Variants in CSTF3 observed in about 807,000 individuals in gnomAD.
The protein encoded by CSTF3 is cleavage stimulation factor subunit 3.
CSTF3 carries 29 observed loss-of-function variants against 105.8 expected under a neutral mutation model. The ratio of observed to expected loss-of-function variants is 0.27; its 90% CI spans 0.20 to 0.37. CSTF3 has a LOEUF of 0.37. CSTF3 is among the 10% of genes least tolerant of loss of function. CSTF3 has a pLI of 1.00. For missense variants in CSTF3, 357 were observed against 879.3 expected (o/e 0.41, Z 7.51); for synonymous variants, 252 against 281.9 (o/e 0.89, Z 1.06).
rs1232361961 is a variant in CSTF3 at position 33,085,159 on chromosome 11, A to G, written c.2082T>C (p.Asp694=). The G allele has an allele frequency of 1.2e-6, 2 of 1,614,122 alleles. No individual in the cohort carries two copies. Among genetic ancestry groups the G allele is most frequent in the South Asian group, 1.1e-5 (1 of 91,080 alleles). The stretch of plus-strand genomic sequence containing the variant: ...GGGGGACAACGGCTCCCTTTTCTTC[A>G]TCTTCATCTGAATCCTCGTTGGGCC... ...VKRPNEDSDE[D]EEKGAVVPPV... is the part of the protein sequence containing the mutation. The change falls in exon 21 of 21, where the codon GAT becomes GAC. Residue 694 remains aspartate (D), a synonymous_variant. Transcript: ENST00000323959.
intron 3 of CSTF3, among the ~76,000 whole-genome samples, chr11:33,130,485 TAAATA>T (rs992366453): frequency 1.4e-4 from 21 of 151,870 alleles, no homozygotes; most frequent in African/African-American, 5.1e-4. Flanking sequence ...CAATGATAAA[TAAATA>T]AGAGATCATA....
chr11:33,091,952 T>C (rs1181291220), intron 16 of CSTF3, among the ~76,000 whole-genome samples: 5 of 152,140 alleles, frequency 3.3e-5, no homozygotes, highest in African/African-American at 1.2e-4. Context: ...TGGGCTAAAG[T>C]CATCTTTCCA....
chr11:33,108,840 C>A (rs767897945), intron 3 of CSTF3, among the ~76,000 whole-genome samples: 2 of 152,190 alleles, frequency 1.3e-5, no homozygotes, highest in Non-Finnish European at 2.9e-5. Context: ...CATTCAGTCA[C>A]ACCATCAACC....
chr11:33,155,942 C>T (rs752993033), intron 1 of CSTF3, among the ~76,000 whole-genome samples: 2 of 152,100 alleles, frequency 1.3e-5, no homozygotes, highest in African/African-American at 2.4e-5. Context: ...AGATTTTGCC[C>T]TTCTGAAGGT....
At position 33,085,285 on chromosome 11, in the gene CSTF3, A is replaced by C; in HGVS notation, c.1956T>G (p.Val652=). The C allele has an allele frequency of 6.5e-7, 1 of 1,537,208 alleles. No homozygotes were observed. Among genetic ancestry groups the C allele is most frequent in the Non-Finnish European group, 8.7e-7 (1 of 1,145,782 alleles). ...CAGTAATGATCCTCACAGCTTCCTC[A>C]ACAGCTATTAAAACAAAACAACAAA... ...IFRRCKIPNT[V]EEAVRIITGG... is the part of the protein sequence containing the mutation. The change falls in exon 21 of 21, where the codon GTT becomes GTG. Residue 652 remains valine, a synonymous_variant. Coordinates refer to ENST00000323959, the MANE Select transcript of CSTF3 (RefSeq NM_001326.3).
intron 1 of CSTF3, among the ~76,000 whole-genome samples, 192 bp from the exon 2 acceptor site, chr11:33,142,178 C>T (rs1855720062): frequency 6.6e-6 from 1 of 151,990 alleles, no homozygotes. Flanking sequence ...GGCTCCGCAT[C>T]CTTATACTCA....
Position 33,093,083 on chromosome 11 carries a change from A to G in CSTF3, c.1376-743T>C, listed in dbSNP as rs192417314. 1.0e-3 allele frequency among the ~76,000 whole-genome samples: 156 copies of G among 152,370 alleles called. 1 individual carries two copies. In the Middle Eastern group the frequency reaches 0.014, roughly 13 times the overall value. On this transcript the variant is annotated intron_variant, in intron 15 of 20. Transcript: ENST00000323959. Reference sequence around the variant, plus strand: ...CTTATAGTATACAAATTATACTTCAATAAAGCTGTTCAAAAGAAAAATTAA... The same window carrying G: ...CTTATAGTATACAAATTATACTTCAGTAAAGCTGTTCAAAAGAAAAATTAA...
Position 33,112,083 on chromosome 11 carries a change from G to A in CSTF3, c.226-3665C>T, listed in dbSNP as rs143113198. Among the ~76,000 whole-genome samples, 1,181 of 152,070 alleles carry A rather than the reference G, an allele frequency of 7.8e-3. 14 individuals carry two copies. The highest frequency in any genetic ancestry group is 0.013 in the Non-Finnish European group (874 of 67,954). ...AGCCTGGCCAACGTGATGAAACCCC[G>A]TCTCTACTAAAAATACAAAAATTAG... On this transcript the variant is annotated intron_variant, in intron 3 of 20. Coordinates refer to ENST00000323959, the MANE Select transcript of CSTF3 (RefSeq NM_001326.3).
At chr11:33,137,437 ATC>A (rs950773165) in intron 3 of CSTF3, among the ~76,000 whole-genome samples, 5 of 151,870 alleles carry the variant, frequency 3.3e-5, no homozygotes, top group African/African-American at 7.2e-5. Context: ...GCATCTAAAC[ATC>A]TCTGTTATAG....
At chr11:33,154,661 TA>T (rs1354297904) in intron 1 of CSTF3, among the ~76,000 whole-genome samples, 2 of 152,120 alleles carry the variant, frequency 1.3e-5, no homozygotes, top group African/African-American at 4.8e-5. Context: ...CACACTCAGC[TA>T]ATTTTTGTAT....
At position 33,085,892 on chromosome 11, in the gene CSTF3, A is replaced by G. The variant is rs1181162455; in HGVS notation, c.1890+3T>C. On this transcript the variant is annotated splice_donor_region_variant and intron_variant, in intron 19 of 20. Coordinates refer to ENST00000323959, the MANE Select transcript of CSTF3 (RefSeq NM_001326.3). ...TATCTACCATGAAAATAAGTGAACAAACCTGGAAACAGATAGGAGGAGGGA... is the reference window on the plus strand; with the variant it reads ...TATCTACCATGAAAATAAGTGAACAGACCTGGAAACAGATAGGAGGAGGGA... 2.5e-6 allele frequency: 4 copies of G among 1,574,884 alleles called. No homozygotes were observed. The highest frequency in any genetic ancestry group is 2.2e-5 in the East Asian group (1 of 44,514).
chr11:33,150,699 C>T (rs956688233), intron 1 of CSTF3, among the ~76,000 whole-genome samples: 4 of 151,610 alleles, frequency 2.6e-5, no homozygotes, highest in African/African-American at 7.3e-5. Flanking sequence ...CTACAAAAAA[C>T]GCAAAAATTA....
chr11:33,085,395 TG>T, intron 20 of CSTF3, 106 bp from the exon 21 acceptor site: 1 of 923,098 alleles, frequency 1.1e-6, no homozygotes, highest in Non-Finnish European at 1.6e-6. Context: ...TAGCAAAACA[TG>T]GGATAGTACT....
chr11:33,107,793 C>G, intron 5 of CSTF3, 110 bp downstream of exon 5: 1 of 621,004 alleles, frequency 1.6e-6, no homozygotes, highest in Non-Finnish European at 2.7e-6. Flanking sequence ...CCTGACTTTT[C>G]AAATCCTGAT....
intron 1 of CSTF3, among the ~76,000 whole-genome samples, chr11:33,151,601 C>A (rs12799348): frequency 6.6e-6 from 1 of 151,972 alleles, no homozygotes; most frequent in African/African-American, 2.4e-5. Flanking sequence ...ATGTATCAGC[C>A]GATGGACTTT....
At chr11:33,108,804 A>G (rs537906851) in intron 3 of CSTF3, among the ~76,000 whole-genome samples, 44 of 152,206 alleles carry the variant, frequency 2.9e-4, no homozygotes, top group Non-Finnish European at 5.0e-4. Flanking sequence ...GGCAAAAAAG[A>G]TATGCAAATT....
intron 16 of CSTF3, 139 bp from the exon 17 acceptor site, chr11:33,090,866 A>C: frequency 2.0e-6 from 1 of 509,220 alleles, no homozygotes. Context: ...TTTTTAGACT[A>C]TAGAAAAATA....
intron 1 of CSTF3, among the ~76,000 whole-genome samples, chr11:33,150,219 T>TAAAAAAAAAA (rs10714096): frequency 1.4e-3 from 149 of 104,104 alleles, no homozygotes; most frequent in Non-Finnish European, 2.0e-3. Context: ...TGTCTCAAAC[T>TAAAAAAAAAA]AAAAAAAAAA....
At chr11:33,157,844 A>T (rs749271734) in intron 1 of CSTF3, among the ~76,000 whole-genome samples, 7 of 152,180 alleles carry the variant, frequency 4.6e-5, no homozygotes, top group Non-Finnish European at 1.0e-4. Flanking sequence ...AAGCAAATCC[A>T]TGATTCAATG....
Sources: allele counts gnomAD v4.1 joint callset (sites outside exome capture counted in the v4.1 genomes callset), GRCh38; gene constraint gnomAD v4.1.1; transcripts MANE v1.5; gene names NCBI Gene and HGNC (gene_info 2026-07-23, HGNC 2026-07-21).